ARHGAP22: variants seen among roughly 807,000 people sequenced by gnomAD.
ARHGAP22 encodes the protein Rho GTPase activating protein 22.
Under a neutral mutation model 59.1 loss-of-function variants are expected in ARHGAP22, and 48 were observed. The ratio of observed to expected loss-of-function variants is 0.81; its 90% CI spans 0.64 to 1.03. The LOEUF (loss-of-function observed/expected upper bound fraction) is 1.03. Ranked by LOEUF, ARHGAP22 falls within the 50% of genes least tolerant of loss-of-function variation. The pLI, the probability that ARHGAP22 is intolerant of heterozygous loss-of-function variation, is 0.00. For missense variants in ARHGAP22, 1,015 were observed against 958.7 expected (o/e 1.06, Z -0.78); for synonymous variants, 445 against 416.4 (o/e 1.07, Z -0.84).
In ARHGAP22 at chr10:48,515,468, TTAA is replaced by T. The variant is rs536776255; in HGVS notation, c.323-35707_323-35705del. On this transcript the variant is annotated intron_variant, in intron 3 of 9. Coordinates refer to ENST00000249601, the MANE Select transcript of ARHGAP22 (RefSeq NM_021226.4). ...AAAAATAAACAGAACGCAGGAGATT[TTAA>T]TAATTGTTGGAGACTTTGATATCCT... Among the ~76,000 whole-genome samples the T allele has an allele frequency of 1.4e-3, 217 of 152,262 alleles. 1 individual carries two copies. The highest frequency in any genetic ancestry group is 4.9e-3 in the African/African-American group (203 of 41,546).
intron 1 of ARHGAP22, among the ~76,000 whole-genome samples, chr10:48,601,991 T>C (rs2060412871): frequency 6.6e-6 from 1 of 152,208 alleles, no homozygotes. Context: ...GGCCTTAGCA[T>C]TGGACAGACA....
intron 3 of ARHGAP22, among the ~76,000 whole-genome samples, chr10:48,523,888 T>C (rs1430907280): frequency 2.0e-5 from 3 of 151,728 alleles, no homozygotes; most frequent in Non-Finnish European, 4.4e-5. Context: ...AGCCTCCCCT[T>C]CCAAAGTTAG....
intron 3 of ARHGAP22, among the ~76,000 whole-genome samples, chr10:48,484,390 G>C (rs1356864892): frequency 6.6e-6 from 1 of 152,142 alleles, no homozygotes; most frequent in Admixed American, 6.5e-5. Context: ...TTGTTGTTTT[G>C]ATTTGCTAAA....
intron 2 of ARHGAP22, among the ~76,000 whole-genome samples, chr10:48,574,374 T>C (rs1472945627): frequency 2.0e-5 from 3 of 152,186 alleles, no homozygotes; most frequent in African/African-American, 4.8e-5. Flanking sequence ...GTTTATGATA[T>C]AGAATGGAGA....
upstream of ARHGAP22, chr10:48,652,628 G>T (rs772527933): frequency 3.3e-6 from 1 of 303,960 alleles, no homozygotes; most frequent in East Asian, 6.1e-5. Flanking sequence ...GAAAGAAGGG[G>T]CTTTGTGAGC....
chr10:48,446,334 T>G lies in ARHGAP22; in HGVS notation c.*57A>C, dbSNP rs1389964651. On this transcript the variant is annotated 3_prime_UTR_variant, in exon 10 of 10. Transcript: ENST00000249601. ...CTCCAGAGATACAGACGCTTCTAAC[T>G]CCATACAAGGCTGGAGACCAGCAGA... The G allele has an allele frequency of 1.9e-6, 3 of 1,584,650 alleles. No homozygotes were observed. The highest frequency in any genetic ancestry group is 8.6e-7 in the Non-Finnish European group (1 of 1,158,284).
upstream of ARHGAP22, chr10:48,656,159 C>T (rs1438428492): frequency 6.6e-6 from 1 of 152,174 alleles, no homozygotes; most frequent in Non-Finnish European, 1.5e-5. Context: ...CTGGCCGTGA[C>T]CCTGTCCCCG....
intron 2 of ARHGAP22, among the ~76,000 whole-genome samples, chr10:48,570,317 T>A (rs973541750): frequency 9.9e-5 from 15 of 152,208 alleles, no homozygotes; most frequent in Non-Finnish European, 1.6e-4. Context: ...AATGAGTAAT[T>A]CTTCACAGAA....
chr10:48,509,095 T>C (rs1340385559), intron 3 of ARHGAP22, among the ~76,000 whole-genome samples: 2 of 152,214 alleles, frequency 1.3e-5, no homozygotes, highest in African/African-American at 4.8e-5. Context: ...TCATTGTCAG[T>C]CCACCCAACT....
chr10:48,436,695 G>A, the ARHGAP22 span: 1 of 152,138 alleles, frequency 6.6e-6, no homozygotes, highest in African/African-American at 2.4e-5. Context: ...CTGTTAATGT[G>A]CAATATTTAA....
intron 2 of ARHGAP22, among the ~76,000 whole-genome samples, chr10:48,557,038 A>C (rs1265764091): frequency 1.3e-5 from 2 of 152,272 alleles, no homozygotes; most frequent in Non-Finnish European, 2.9e-5. Flanking sequence ...GAAAGGCAGA[A>C]CATCGTCCTT....
chr10:48,601,548 A>G (rs769633369), intron 1 of ARHGAP22, among the ~76,000 whole-genome samples: 8 of 152,142 alleles, frequency 5.3e-5, no homozygotes, highest in Non-Finnish European at 7.3e-5. Flanking sequence ...ACTTCTTACT[A>G]TAGAAGATGA....
chr10:48,453,256 C>A, intron 8 of ARHGAP22, 48 bp downstream of exon 8: 1 of 1,609,252 alleles, frequency 6.2e-7, no homozygotes, highest in Non-Finnish European at 8.5e-7. Flanking sequence ...CCAAGATGAG[C>A]CCAGACCCCG....
chr10:48,462,895 C>T (rs558437726), intron 4 of ARHGAP22, among the ~76,000 whole-genome samples: 26 of 152,332 alleles, frequency 1.7e-4, no homozygotes, highest in African/African-American at 6.0e-4. Context: ...TTTCCACCAT[C>T]CCAAGAGTGG....
chr10:48,539,602 C>T (rs972046392), intron 3 of ARHGAP22, among the ~76,000 whole-genome samples: 2 of 152,300 alleles, frequency 1.3e-5, no homozygotes, highest in Middle Eastern at 3.4e-3. Flanking sequence ...ACATTTTTAA[C>T]ATTTATATTT....
At chr10:48,593,562 G>C (rs147095823) in intron 1 of ARHGAP22, among the ~76,000 whole-genome samples, 1 of 152,242 alleles carries the variant, frequency 6.6e-6, no homozygotes, top group African/African-American at 2.4e-5. Flanking sequence ...GTGATACAGC[G>C]ACAGTGCATC....
chr10:48,476,104 C>T (rs545583307), intron 4 of ARHGAP22, among the ~76,000 whole-genome samples: 3 of 152,344 alleles, frequency 2.0e-5, no homozygotes, highest in East Asian at 1.9e-4. Context: ...GCTGGTCACC[C>T]GCCTCCTCTA....
At chr10:48,449,573 C>T (rs1002516070) in intron 9 of ARHGAP22, among the ~76,000 whole-genome samples, 1 of 152,210 alleles carries the variant, frequency 6.6e-6, no homozygotes, top group South Asian at 2.1e-4. Flanking sequence ...GGCCAGCTAA[C>T]GGGGACCTGC....
In ARHGAP22 at chr10:48,446,581, G is replaced by A. The variant is rs754856820; in HGVS notation, c.1907C>T (p.Ser636Phe). 71 of 1,614,004 alleles carry A rather than the reference G, an allele frequency of 4.4e-5. 3 individuals carry two copies. The Admixed American group carries it at 1.0e-3, about 23-fold the overall frequency. Residue 636 changes from serine (S) to phenylalanine (F), a missense_variant, in exon 10 of 10, where the codon TCC becomes TTC. Physicochemically the swap from Ser to Phe is radical, Grantham distance 155. Transcript: ENST00000249601. ...CTGGTCCAGTTCTTCTTCTAACCGG[G>A]ACATTCGTTTTCTCAGGTCAGCACT... ...EGSADLRKRM[S>F]RLEEELDQEK... is the part of the protein sequence containing the mutation.
Sources: allele counts gnomAD v4.1 joint callset (sites outside exome capture counted in the v4.1 genomes callset), GRCh38; gene constraint gnomAD v4.1.1; transcripts MANE v1.5; gene names NCBI Gene and HGNC (gene_info 2026-07-23, HGNC 2026-07-21).